ADGRL2: variants seen among roughly 807,000 people sequenced by gnomAD.
The protein encoded by ADGRL2 is calcium-independent alpha-latrotoxin receptor 2.
ADGRL2 carries 44 observed loss-of-function variants against 157.4 expected under a neutral mutation model. The ratio of observed to expected loss-of-function variants is 0.28; its 90% confidence interval spans 0.22 to 0.36. ADGRL2 has a LOEUF of 0.36. Among genes scored for constraint, ADGRL2 ranks in the 10% least tolerant of loss-of-function variants. ADGRL2 has a pLI of 1.00. For missense variants in ADGRL2, 1,510 were observed against 1,768.9 expected (o/e 0.85, Z 2.63); for synonymous variants, 585 against 624.7 (o/e 0.94, Z 0.95).
chr1:81,948,045 C>G (rs1169390568), intron 6 of ADGRL2, among the ~76,000 whole-genome samples: 1 of 151,830 alleles, frequency 6.6e-6, no homozygotes, highest in Non-Finnish European at 1.5e-5. Context: ...GGTGAAACCC[C>G]GTCTCTGCTA....
intron 2 of ADGRL2, among the ~76,000 whole-genome samples, chr1:81,894,640 T>A (rs1302425380): frequency 6.6e-6 from 1 of 152,176 alleles, no homozygotes; most frequent in Non-Finnish European, 1.5e-5. Flanking sequence ...ATATGAAACA[T>A]TGTTTAAAGG....
At chr1:81,498,059 T>C (rs2078767360) in intron 2 of ADGRL2, among the ~76,000 whole-genome samples, 1 of 152,030 alleles carries the variant, frequency 6.6e-6, no homozygotes, top group Admixed American at 6.6e-5. Context: ...ATAATAATAA[T>C]AATAAATGAA....
intron 1 of ADGRL2, among the ~76,000 whole-genome samples, chr1:81,398,429 G>T (rs1342974424): frequency 1.3e-5 from 2 of 152,024 alleles, no homozygotes; most frequent in African/African-American, 4.8e-5. Flanking sequence ...TTTCTGTAAT[G>T]AAAGTATTTG....
chr1:81,687,975 T>C (rs1017921820), intron 3 of ADGRL2, among the ~76,000 whole-genome samples: 1 of 152,184 alleles, frequency 6.6e-6, no homozygotes, highest in African/African-American at 2.4e-5. Flanking sequence ...TTGTTTTGTT[T>C]GAGGAGGCTG....
At position 81,381,355 on chromosome 1, in the gene ADGRL2, A is replaced by T. The variant is rs74510949; in HGVS notation, c.-301-63681A>T. Among the ~76,000 whole-genome samples the T allele has an allele frequency of 5.5e-3, 831 of 152,130 alleles. 5 individuals are homozygous for T. Among genetic ancestry groups the T allele is most frequent in the African/African-American group, 0.018 (764 of 41,498 alleles). On this transcript the variant is annotated intron_variant, in intron 1 of 24. Coordinates refer to the ADGRL2 transcript ENST00000370721. ...AGTAGGGATCTTAATCTTATTCCTC[A>T]TTTTCATCATTAAATAATGGCTGTT... is the stretch of plus-strand genomic sequence containing the variant.
intron 1 of ADGRL2, among the ~76,000 whole-genome samples, chr1:81,349,913 C>A (rs1662759360): frequency 6.6e-6 from 1 of 152,112 alleles, no homozygotes; most frequent in South Asian, 2.1e-4. Flanking sequence ...GCTTTAGACA[C>A]TCATTCCCCA....
chr1:81,515,405 C>A (rs1343426573), intron 2 of ADGRL2, among the ~76,000 whole-genome samples: 2 of 139,482 alleles, frequency 1.4e-5, no homozygotes, highest in Non-Finnish European at 3.0e-5. Flanking sequence ...AGAATCAGCT[C>A]AGAGAGGAGA....
chr1:81,770,337 AT>A (rs2086309366), intron 2 of ADGRL2, among the ~76,000 whole-genome samples: 1 of 145,056 alleles, frequency 6.9e-6, no homozygotes, highest in South Asian at 2.2e-4. Flanking sequence ...TAATTTTTGT[AT>A]TTTTCATAGA....
At chr1:81,503,235 A>G (rs1484011759) in intron 2 of ADGRL2, 2 of 1,614,098 alleles carry the variant, frequency 1.2e-6, no homozygotes, top group African/African-American at 2.7e-5. Flanking sequence ...CGGCTGCAGC[A>G]CTGAACCTGA....
intron 1 of ADGRL2, among the ~76,000 whole-genome samples, chr1:81,394,382 G>A (rs77364788): frequency 8.6e-5 from 13 of 152,028 alleles, no homozygotes; most frequent in African/African-American, 3.1e-4. Flanking sequence ...ACCCTTCCCA[G>A]CCTCTGGTAA....
chr1:81,523,639 C>T (rs560193408), intron 2 of ADGRL2, among the ~76,000 whole-genome samples: 1 of 152,272 alleles, frequency 6.6e-6, no homozygotes, highest in East Asian at 1.9e-4. Flanking sequence ...ATCACCCAAA[C>T]TTTTTTCATG....
intron 2 of ADGRL2, among the ~76,000 whole-genome samples, chr1:81,535,240 G>T (rs1570420852): frequency 6.6e-6 from 1 of 152,208 alleles, no homozygotes; most frequent in East Asian, 1.9e-4. Context: ...CTGAAAAGAT[G>T]CAACAAAGGA....
At chr1:81,815,271 G>A (rs2090282816) in intron 1 of ADGRL2, among the ~76,000 whole-genome samples, 2 of 151,688 alleles carry the variant, frequency 1.3e-5, no homozygotes, top group Non-Finnish European at 3.0e-5. Context: ...GTTAATACTC[G>A]TGTCAGAGGC....
intron 1 of ADGRL2, among the ~76,000 whole-genome samples, chr1:81,747,179 A>G (rs1218446943): frequency 1.4e-5 from 2 of 146,350 alleles, no homozygotes; most frequent in Non-Finnish European, 3.0e-5. Context: ...ATATATACAT[A>G]TATGTATGTG....
At chr1:81,370,921 G>A (rs1370084532) in intron 1 of ADGRL2, among the ~76,000 whole-genome samples, 1 of 152,166 alleles carries the variant, frequency 6.6e-6, no homozygotes, top group African/African-American at 2.4e-5. Flanking sequence ...TTGAAAACTT[G>A]TGAAGGACAG....
At chr1:81,679,078 T>C (rs1193653601) in intron 3 of ADGRL2, among the ~76,000 whole-genome samples, 1 of 152,094 alleles carries the variant, frequency 6.6e-6, no homozygotes, top group East Asian at 1.9e-4. Flanking sequence ...AAAAGACAGA[T>C]GCACAGGAAA....
chr1:81,584,704 T>C (rs761736580), intron 3 of ADGRL2, among the ~76,000 whole-genome samples: 4 of 152,134 alleles, frequency 2.6e-5, no homozygotes, highest in Non-Finnish European at 5.9e-5. Context: ...AACTTCAACA[T>C]AGCACAGTTG....
At chr1:81,611,026 C>T (rs1236777983) in intron 3 of ADGRL2, among the ~76,000 whole-genome samples, 1 of 152,182 alleles carries the variant, frequency 6.6e-6, no homozygotes, top group East Asian at 1.9e-4. Context: ...GTTTCTTCCA[C>T]TAAGGCTAAT....
chr1:81,435,659 T>C (rs1409475419), intron 1 of ADGRL2, among the ~76,000 whole-genome samples: 1 of 152,274 alleles, frequency 6.6e-6, no homozygotes, highest in African/African-American at 2.4e-5. Context: ...CATATTTATA[T>C]AAATTCATAG....
Sources: gnomAD v4.1 joint callset for allele counts (sites outside exome capture counted in the v4.1 genomes callset) on GRCh38, gnomAD v4.1.1 for gene constraint, MANE v1.5 for transcripts, NCBI Gene and HGNC (gene_info 2026-07-23, HGNC 2026-07-21) for gene names.